Variants in HIF1A observed in about 807,000 individuals in gnomAD.
HIF1A encodes hypoxia-inducible factor 1-alpha.
In HIF1A, 24 loss-of-function variants were observed where a neutral mutation model predicts 92.7. The observed-to-expected ratio is 0.26, with a 90% CI of 0.19 to 0.36. The LOEUF (loss-of-function observed/expected upper bound fraction) is 0.36. HIF1A is among the 10% of genes least tolerant of loss of function. The pLI, the probability that HIF1A is intolerant of heterozygous loss-of-function variation, is 1.00. For missense variants in HIF1A, 799 were observed against 998.5 expected, an observed-to-expected ratio of 0.80 and a Z score of 2.69; for synonymous variants, 319 against 338.7, an observed-to-expected ratio of 0.94 and a Z score of 0.64.
At chr14:61,720,891 A>G (rs1452720928) in intron 2 of HIF1A, among the ~76,000 whole-genome samples, 1 of 152,174 alleles carries the variant, frequency 6.6e-6, no homozygotes, top group Non-Finnish European at 1.5e-5. Flanking sequence ...GGAATAAGAT[A>G]CTGGCTTTTC....
rs1357227551 is a variant in HIF1A at position 61,747,825 on chromosome 14, TC to T, written c.*741del. 1 of 152,576 alleles carries T rather than the reference TC, an allele frequency of 6.6e-6. No homozygotes were observed. The highest frequency in any genetic ancestry group is 1.5e-5 in the Non-Finnish European group (1 of 67,986). The allele number at this position is 152,576 out of a possible 1,614,324, so 9.5% of individuals were successfully genotyped here. A position where few individuals can be genotyped will look rare whatever the true frequency, so the allele number is the denominator to read the frequency against. ...CAATTCAGAGAAATCATCTGATGTT[TC>T]TATAGTCACTTTGCCAGCTCAAAAG... is the stretch of plus-strand genomic sequence containing the variant. On this transcript the variant is annotated 3_prime_UTR_variant, in exon 15 of 15. Transcript: ENST00000337138.
chr14:61,727,411 A>G, intron 5 of HIF1A, 42 bp from the exon 6 acceptor site: 1 of 1,431,178 alleles, frequency 7.0e-7, no homozygotes, highest in Non-Finnish European at 9.8e-7. Flanking sequence ...TTTCCCTAGC[A>G]TTGTAAATAT....
intron 13 of HIF1A, among the ~76,000 whole-genome samples, chr14:61,745,144 G>A (rs905543100): frequency 6.6e-6 from 1 of 151,980 alleles, no homozygotes; most frequent in African/African-American, 2.4e-5. Context: ...ACTGCTATTG[G>A]CCAGGCACAG....
intron 8 of HIF1A, among the ~76,000 whole-genome samples, chr14:61,735,900 A>G (rs1447864603): frequency 6.6e-6 from 1 of 152,162 alleles, no homozygotes; most frequent in East Asian, 1.9e-4. Context: ...CAGCACAACA[A>G]TTCTGAAGAT....
intron 1 of HIF1A, among the ~76,000 whole-genome samples, chr14:61,707,281 G>A (rs1026858332): frequency 6.9e-6 from 1 of 144,598 alleles, no homozygotes; most frequent in African/African-American, 2.6e-5. Flanking sequence ...CAGAAACTCT[G>A]GAAGTAAGGC....
At chr14:61,706,427 G>A (rs1044886460) in intron 1 of HIF1A, among the ~76,000 whole-genome samples, 1 of 152,104 alleles carries the variant, frequency 6.6e-6, no homozygotes, top group African/African-American at 2.4e-5. Flanking sequence ...TGTTCTTGCT[G>A]GCTTATTGAC....
In HIF1A at chr14:61,695,687, A is replaced by C. The variant is rs2044104183; in HGVS notation, c.-118A>C. Reference sequence around the variant, plus strand: ...TCTCACGAGGGGTTTCCCGCCTCGCACCCCCACCTCTGGACTTGCCTTTCC... The same window carrying C: ...TCTCACGAGGGGTTTCCCGCCTCGCCCCCCCACCTCTGGACTTGCCTTTCC... On this transcript the variant is annotated 5_prime_UTR_variant, in exon 1 of 15. Transcript: ENST00000337138. The C allele has an allele frequency of 1.8e-6, 2 of 1,105,610 alleles. No individual in the cohort carries two copies. Among genetic ancestry groups the C allele is most frequent in the Admixed American group, 2.5e-5 (1 of 39,864 alleles). The allele number at this position is 1,105,610 out of a possible 1,614,324, so 68.5% of individuals were successfully genotyped here.
intron 1 of HIF1A, among the ~76,000 whole-genome samples, chr14:61,699,459 ATTT>A (rs5809116): frequency 2.8e-5 from 4 of 144,946 alleles, no homozygotes; most frequent in African/African-American, 7.5e-5. Flanking sequence ...CTCTTGACTG[ATTT>A]TTTTTTTTTT....
chr14:61,736,973 G>C lies in HIF1A; in HGVS notation c.1113G>C (p.Met371Ile). ...CGGTTGAATCTTCAGATATGAAAAT[G>C]ACTCAGCTATTCACCAAAGTTGAAT... ...LKPVESSDMK[M>I]TQLFTKVESE... is the part of the protein sequence containing the mutation. The change falls in exon 9 of 15, where the codon ATG (methionine) becomes ATC (isoleucine). Residue 371 changes from methionine (M) to isoleucine (I), a missense_variant. Met to Ile is a conservative substitution (Grantham distance 10). Coordinates refer to ENST00000337138, the MANE Select transcript of HIF1A (RefSeq NM_001530.4). 6.2e-7 allele frequency: 1 copy of C among 1,613,954 alleles called. No homozygotes were observed. Among genetic ancestry groups the C allele is most frequent in the Non-Finnish European group, 8.5e-7 (1 of 1,179,838 alleles).
intron 10 of HIF1A, among the ~76,000 whole-genome samples, chr14:61,739,647 G>GA (rs1378632819): frequency 1.3e-5 from 2 of 152,170 alleles, no homozygotes; most frequent in African/African-American, 4.8e-5. Context: ...AAAAACGTTA[G>GA]AATGAGGAAA....
intron 13 of HIF1A, chr14:61,745,484 A>G (rs1212563407): frequency 1.7e-6 from 1 of 573,318 alleles, no homozygotes; most frequent in Non-Finnish European, 3.1e-6. Flanking sequence ...ACATTCTGAT[A>G]TTTTCAAACT....
intron 1 of HIF1A, among the ~76,000 whole-genome samples, chr14:61,702,987 ATAT>A (rs2044194540): frequency 6.6e-6 from 1 of 152,224 alleles, no homozygotes; most frequent in Non-Finnish European, 1.5e-5. Flanking sequence ...AAATTAGATA[ATAT>A]TAATGTTGGG....
chr14:61,719,448 G>C (rs144811393), intron 1 of HIF1A, among the ~76,000 whole-genome samples: 1,634 of 152,314 alleles, frequency 0.011, 15 homozygotes, highest in African/African-American at 0.026. Context: ...TTGTAAAATA[G>C]GGACAATATT....
At chr14:61,739,065 G>A (rs1883142547) in intron 10 of HIF1A, among the ~76,000 whole-genome samples, 1 of 152,104 alleles carries the variant, frequency 6.6e-6, no homozygotes, top group South Asian at 2.1e-4. Context: ...ACCCCTTTGA[G>A]TTGGAGAACT....
intron 4 of HIF1A, among the ~76,000 whole-genome samples, chr14:61,723,551 T>G (rs1566568709): frequency 6.6e-6 from 1 of 152,252 alleles, no homozygotes; most frequent in African/African-American, 2.4e-5. Context: ...GTGTTTTTAC[T>G]GTTAATTTGG....
Position 61,720,570 on chromosome 14 carries a change from C to T in HIF1A, c.224C>T (p.Ala75Val), listed in dbSNP as rs1414931713. 2.5e-6 allele frequency: 4 copies of T among 1,587,170 alleles called. No homozygotes were observed. Among genetic ancestry groups the T allele is most frequent in the Admixed American group, 1.8e-5 (1 of 54,922 alleles). Residue 75 changes from alanine to valine, a missense_variant and splice_region_variant, in exon 2 of 15, where the codon GCT becomes GTT. Transcript: ENST00000337138. The part of the protein sequence containing the change: ...SYLRVRKLLD[A>V]GDLDIEDDMK... Reference sequence around the variant, plus strand: ...TTGCGTGTGAGGAAACTTCTGGATGCTGGTGAGTTATTTTACAAGGGTATA... The same window carrying T: ...TTGCGTGTGAGGAAACTTCTGGATGTTGGTGAGTTATTTTACAAGGGTATA...
At chr14:61,727,198 T>A (rs2044516293) in intron 5 of HIF1A, among the ~76,000 whole-genome samples, 1 of 152,190 alleles carries the variant, frequency 6.6e-6, no homozygotes, top group East Asian at 1.9e-4. Flanking sequence ...GATGATGAGA[T>A]GAATGAAAAA....
At chr14:61,715,099 G>T (rs1038489639) in intron 1 of HIF1A, among the ~76,000 whole-genome samples, 2 of 152,066 alleles carry the variant, frequency 1.3e-5, no homozygotes, top group East Asian at 3.9e-4. Flanking sequence ...CACCAACAAT[G>T]TTGAACTTAG....
intron 1 of HIF1A, among the ~76,000 whole-genome samples, chr14:61,713,280 GGT>G (rs1047938628): frequency 6.6e-6 from 1 of 152,182 alleles, no homozygotes; most frequent in Non-Finnish European, 1.5e-5. Flanking sequence ...GGATCTTTAT[GGT>G]GATGGTTTCA....
Sources: gnomAD v4.1 joint callset for allele counts (sites outside exome capture counted in the v4.1 genomes callset) on GRCh38, gnomAD v4.1.1 for gene constraint, MANE v1.5 for transcripts, NCBI Gene and HGNC (gene_info 2026-07-23, HGNC 2026-07-21) for gene names.